LSM1: variants seen among roughly 807,000 people sequenced by gnomAD.
LSM1 encodes U6 snRNA-associated Sm-like protein LSm1.
Under a neutral mutation model 18.0 loss-of-function variants are expected in LSM1, and 13 were observed. The ratio of observed to expected loss-of-function variants is 0.72; its 90% confidence interval spans 0.47 to 1.15. The LOEUF is 1.15. Among genes scored for constraint, LSM1 ranks in the 50% most tolerant of loss-of-function variants. The probability of loss-of-function intolerance (pLI) is 0.00; values close to 1 mark genes in which losing one functional copy is unlikely to be tolerated. For synonymous variants in LSM1, 46 were observed against 56.0 expected (o/e 0.82, Z 0.80); for missense variants, 152 against 157.7 (o/e 0.96, Z 0.19).
intron 1 of LSM1, among the ~76,000 whole-genome samples, chr8:38,175,476 G>A (rs1803116946): frequency 6.6e-6 from 1 of 152,158 alleles, no homozygotes; most frequent in Non-Finnish European, 1.5e-5. Context: ...ACAAGTTAAT[G>A]AGAAAGATCA....
At chr8:38,176,240 C>T (rs1485368333) in intron 1 of LSM1, 35 bp downstream of exon 1, 2 of 1,603,508 alleles carry the variant, frequency 1.2e-6, no homozygotes, top group African/African-American at 2.7e-5. Flanking sequence ...AAGGGTCTAA[C>T]CCCGGGCTCC....
intron 1 of LSM1, among the ~76,000 whole-genome samples, chr8:38,174,307 T>C (rs1220534060): frequency 6.6e-6 from 1 of 151,674 alleles, no homozygotes; most frequent in African/African-American, 2.4e-5. Flanking sequence ...AGAAAAAGGC[T>C]AACAACGAAA....
chr8:38,164,943 G>T (rs1585637168), intron 3 of LSM1, among the ~76,000 whole-genome samples: 2 of 152,208 alleles, frequency 1.3e-5, no homozygotes. Flanking sequence ...GATCTAAACT[G>T]TAACAAGACT....
chr8:38,171,048 GA>G, intron 2 of LSM1: 2 of 419,856 alleles, frequency 4.8e-6, no homozygotes, highest in South Asian at 1.7e-5. Flanking sequence ...TTTAACTTAA[GA>G]AAAATGCAGG....
At position 38,163,837 on chromosome 8, in the gene LSM1, A is replaced by T; in HGVS notation, c.235T>A (p.Leu79Met). 1 of 1,614,018 alleles carries T rather than the reference A, an allele frequency of 6.2e-7. No individual in the cohort carries two copies. The highest frequency in any genetic ancestry group is 8.5e-7 in the Non-Finnish European group (1 of 1,179,910). Residue 79 changes from leucine (L) to methionine (M), a missense_variant, in exon 4 of 4, where the codon TTG (leucine) becomes ATG (methionine). By Grantham distance (15) the Leu-to-Met change is conservative. Transcript: ENST00000311351. ...AGGGGTGTGTCACTCTCCTTTTCCAAGTCCTACAAAAGAGACAGGTTTGAA... is the reference window on the plus strand; with the variant it reads ...AGGGGTGTGTCACTCTCCTTTTCCATGTCCTACAAAAGAGACAGGTTTGAA... ...ENVVLLGEIDLEKESDTPLQQ... is the reference protein window; with the variant it reads ...ENVVLLGEIDMEKESDTPLQQ...
intron 3 of LSM1, among the ~76,000 whole-genome samples, chr8:38,168,371 G>A (rs1187736527): frequency 1.3e-5 from 2 of 150,830 alleles, no homozygotes; most frequent in Non-Finnish European, 1.5e-5. Flanking sequence ...CGGGTAGATC[G>A]CCTGAGGTCA....
chr8:38,176,226 GAGGA>G (rs766459858), intron 1 of LSM1, 45 bp downstream of exon 1: 2 of 1,561,600 alleles, frequency 1.3e-6, no homozygotes, highest in Non-Finnish European at 1.8e-6. Context: ...GCCCGCCCGG[GAGGA>G]AGGGTCTAAC....
intron 1 of LSM1, among the ~76,000 whole-genome samples, chr8:38,173,055 G>T (rs1803057330): frequency 6.6e-6 from 1 of 152,164 alleles, no homozygotes; most frequent in Non-Finnish European, 1.5e-5. Flanking sequence ...CAGAAGGAAG[G>T]GTGGCAAGGG....
chr8:38,171,866 G>C, intron 2 of LSM1, 99 bp downstream of exon 2: 1 of 868,668 alleles, frequency 1.2e-6, no homozygotes, highest in Non-Finnish European at 1.9e-6. Context: ...TCACACACGT[G>C]AAAAAGTTGC....
At chr8:38,173,264 T>C (rs571939245) in intron 1 of LSM1, among the ~76,000 whole-genome samples, 1 of 151,900 alleles carries the variant, frequency 6.6e-6, no homozygotes, top group Admixed American at 6.6e-5. Flanking sequence ...AGAAAGCAAA[T>C]CTTAATTATA....
At chr8:38,164,257 G>T (rs527322742) in intron 3 of LSM1, among the ~76,000 whole-genome samples, 1 of 152,090 alleles carries the variant, frequency 6.6e-6, no homozygotes, top group Non-Finnish European at 1.5e-5. Flanking sequence ...GTTTCACCAC[G>T]TTGGTCAGGC....
intron 3 of LSM1, among the ~76,000 whole-genome samples, chr8:38,167,481 T>G (rs1250252198): frequency 6.6e-6 from 1 of 152,168 alleles, no homozygotes; most frequent in East Asian, 1.9e-4. Context: ...TAGCTGGGAC[T>G]GGTGATGTGC....
chr8:38,171,199 G>A lies in LSM1; in HGVS notation c.115+766C>T, dbSNP rs566721577. ...CTAGGGAGGGATTACCTTCACTTCC[G>A]GAACTGCTTTGAAGTCATTTTACCC... On this transcript the variant is annotated intron_variant, in intron 2 of 3. Transcript: ENST00000311351. 5.9e-5 allele frequency among the ~76,000 whole-genome samples: 9 copies of A among 152,260 alleles called. No individual in the cohort carries two copies. The South Asian group carries it at 1.9e-3, about 32-fold the overall frequency.
chr8:38,163,696 G>A lies in LSM1; in HGVS notation c.376C>T (p.Arg126Ter), dbSNP rs961755643. Residue 126 changes from arginine to a stop codon, truncating the protein, a stop_gained, in exon 4 of 4, where the codon CGA (arginine) becomes TGA (stop). Coordinates refer to ENST00000311351, the MANE Select transcript of LSM1 (RefSeq NM_014462.3). LOFTEE classifies it high-confidence loss of function. ...ALKDRGLSIPRADTLDEY is the reference protein window; with the variant it reads ...ALKDRGLSIP Reference sequence around the variant, plus strand: ...TAGTACTCATCAAGAGTATCTGCTCGAGGAATGGAAAGACCTCGGTCCTTC... The same window carrying A: ...TAGTACTCATCAAGAGTATCTGCTCAAGGAATGGAAAGACCTCGGTCCTTC... 3.1e-6 allele frequency: 5 copies of A among 1,614,158 alleles called. No homozygotes were observed. The highest frequency in any genetic ancestry group is 3.4e-6 in the Non-Finnish European group (4 of 1,180,042).
chr8:38,176,663 G>A (rs1441049646), upstream of LSM1: 1 of 598,208 alleles, frequency 1.7e-6, no homozygotes, highest in Non-Finnish European at 2.8e-6. Flanking sequence ...GTCTTCCTTC[G>A]TCTCCGGGTT....
intron 1 of LSM1, among the ~76,000 whole-genome samples, chr8:38,172,881 G>A (rs1803054288): frequency 6.6e-6 from 1 of 152,162 alleles, no homozygotes; most frequent in Non-Finnish European, 1.5e-5. Flanking sequence ...GTGCTGTTCT[G>A]GGGTCTAGAC....
chr8:38,170,942 C>A (rs941861092), intron 2 of LSM1: 1 of 383,092 alleles, frequency 2.6e-6, no homozygotes, highest in Middle Eastern at 4.5e-4. Flanking sequence ...GTTTTAATTA[C>A]GTTTCTTCCT....
At chr8:38,172,209 G>C (rs1402482140) in intron 1 of LSM1, among the ~76,000 whole-genome samples, 176 bp from the exon 2 acceptor site, 2 of 151,490 alleles carry the variant, frequency 1.3e-5, no homozygotes, top group Non-Finnish European at 2.9e-5. Context: ...GATAACATCA[G>C]TAGTGAAAAG....
At position 38,163,606 on chromosome 8, in the gene LSM1, G is replaced by A; in HGVS notation, c.*64C>T. ...TGTGATCAAATGCGTGAGGTGGCCA[G>A]GATGTCACTTTCACTCAGTGACAGC... is the stretch of plus-strand genomic sequence containing the variant. On this transcript the variant is annotated 3_prime_UTR_variant, in exon 4 of 4. Transcript: ENST00000311351. 1 of 1,451,004 alleles carries A rather than the reference G, an allele frequency of 6.9e-7. No individual in the cohort carries two copies. The highest frequency in any genetic ancestry group is 9.6e-7 in the Non-Finnish European group (1 of 1,042,740). 89.9% of individuals were successfully genotyped at this position (1,451,004 alleles called of 1,614,324 possible).
Sources: gnomAD v4.1 joint callset for allele counts (sites outside exome capture counted in the v4.1 genomes callset) on GRCh38, gnomAD v4.1.1 for gene constraint, MANE v1.5 for transcripts, NCBI Gene and HGNC (gene_info 2026-07-23, HGNC 2026-07-21) for gene names.